Variants in SPAG16 observed in about 807,000 individuals in gnomAD.
The protein encoded by SPAG16 is sperm-associated antigen 16 protein.
A neutral mutation model predicts 80.4 loss-of-function variants in SPAG16; 86 were observed. That is an observed-to-expected ratio of 1.07 (90% confidence interval 0.90 to 1.28). The LOEUF is 1.28. SPAG16 is among the 50% of genes most tolerant of loss of function. SPAG16 has a pLI of 0.00. For missense variants in SPAG16, 870 were observed against 765.3 expected (o/e 1.14, Z -1.61); for synonymous variants, 294 against 265.9 (o/e 1.11, Z -1.03).
At chr2:213,620,331 CA>C (rs1380670906) in intron 10 of SPAG16, among the ~76,000 whole-genome samples, 4 of 120,304 alleles carry the variant, frequency 3.3e-5, no homozygotes, top group Non-Finnish European at 6.4e-5. Context: ...CTCACTCTGT[CA>C]CCCAGGCTGG....
At chr2:214,364,549 C>A (rs1699366878) in intron 15 of SPAG16, among the ~76,000 whole-genome samples, 1 of 152,136 alleles carries the variant, frequency 6.6e-6, no homozygotes, top group South Asian at 2.1e-4. Flanking sequence ...TTGGTATCCT[C>A]ACCGTCTTTG....
At chr2:213,929,109 G>A (rs369053043) in intron 11 of SPAG16, among the ~76,000 whole-genome samples, 65 of 140,474 alleles carry the variant, frequency 4.6e-4, no homozygotes, top group African/African-American at 1.6e-3. Context: ...TGTCCCCGGG[G>A]TTCAAGCAAC....
intron 10 of SPAG16, among the ~76,000 whole-genome samples, chr2:213,646,360 T>G (rs2062825714): frequency 6.6e-6 from 1 of 152,192 alleles, no homozygotes; most frequent in Admixed American, 6.5e-5. Flanking sequence ...AAGGCATTTT[T>G]ATTATATACA....
intron 10 of SPAG16, among the ~76,000 whole-genome samples, chr2:213,837,005 G>A (rs1378159140): frequency 6.6e-6 from 1 of 151,598 alleles, no homozygotes. Context: ...TGTTTCTCTG[G>A]GTCAGCTTCA....
chr2:213,464,320 C>T (rs112836244), intron 9 of SPAG16, among the ~76,000 whole-genome samples: 3,161 of 152,164 alleles, frequency 0.021, 46 homozygotes, highest in Middle Eastern at 0.054. Flanking sequence ...TTCTGAAGTG[C>T]CTTTTGATAA....
chr2:214,301,315 C>G (rs1694537103), intron 15 of SPAG16, among the ~76,000 whole-genome samples: 1 of 150,870 alleles, frequency 6.6e-6, no homozygotes, highest in Non-Finnish European at 1.5e-5. Flanking sequence ...AAAAAACTAC[C>G]TCAAAATAAT....
At chr2:213,804,454 C>T (rs546736772) in intron 10 of SPAG16, among the ~76,000 whole-genome samples, 18 of 152,224 alleles carry the variant, frequency 1.2e-4, no homozygotes, top group Non-Finnish European at 2.5e-4. Context: ...GAGGCCGAGG[C>T]GGGCAGATCA....
At chr2:213,304,596 G>T (rs2062866444) in intron 3 of SPAG16, among the ~76,000 whole-genome samples, 1 of 152,060 alleles carries the variant, frequency 6.6e-6, no homozygotes, top group African/African-American at 2.4e-5. Context: ...TCTGGATATG[G>T]ATATCCAGTT....
intron 10 of SPAG16, among the ~76,000 whole-genome samples, chr2:213,692,729 G>C (rs2064995525): frequency 6.6e-6 from 1 of 150,694 alleles, no homozygotes; most frequent in African/African-American, 2.4e-5. Flanking sequence ...AGAATGCCGT[G>C]AACCCGGGAG....
At chr2:213,500,508 C>T (rs564897187) in intron 10 of SPAG16, among the ~76,000 whole-genome samples, 7 of 152,290 alleles carry the variant, frequency 4.6e-5, no homozygotes, top group East Asian at 1.9e-4. Context: ...GTTTTCTTCA[C>T]GCATTCAATG....
chr2:214,194,867 C>A (rs1307745332), intron 15 of SPAG16, among the ~76,000 whole-genome samples: 3 of 152,006 alleles, frequency 2.0e-5, no homozygotes, highest in African/African-American at 4.8e-5. Context: ...GAATATGTAA[C>A]CATATCTTTT....
At chr2:213,550,471 G>T (rs1477299327) in intron 10 of SPAG16, among the ~76,000 whole-genome samples, 1 of 151,948 alleles carries the variant, frequency 6.6e-6, no homozygotes, top group African/African-American at 2.4e-5. Context: ...CATGCTGCTG[G>T]TACTTTTATT....
chr2:213,320,035 G>T (rs2063551478), intron 5 of SPAG16, among the ~76,000 whole-genome samples: 1 of 151,944 alleles, frequency 6.6e-6, no homozygotes, highest in African/African-American at 2.4e-5. Context: ...TGGAAGATTT[G>T]AAAGGAAGCT....
intron 15 of SPAG16, among the ~76,000 whole-genome samples, chr2:214,185,608 T>TCG (rs1217290275): frequency 6.6e-6 from 1 of 152,106 alleles, no homozygotes; most frequent in Non-Finnish European, 1.5e-5. Context: ...ATTTTTTAAA[T>TCG]TTCGAAGAAT....
At chr2:213,776,832 C>G (rs1362521707) in intron 10 of SPAG16, among the ~76,000 whole-genome samples, 5 of 121,368 alleles carry the variant, frequency 4.1e-5, no homozygotes, top group South Asian at 3.0e-4. Context: ...TGCCACCCCC[C>G]CCCCACCCCA....
At chr2:213,917,618 C>T (rs563846006) in intron 11 of SPAG16, among the ~76,000 whole-genome samples, 3 of 152,128 alleles carry the variant, frequency 2.0e-5, no homozygotes, top group East Asian at 1.9e-4. Context: ...TTTTGTACAT[C>T]GATTTTGTAT....
At chr2:213,529,564 AG>A (rs2125879009) in intron 10 of SPAG16, among the ~76,000 whole-genome samples, 1 of 152,310 alleles carries the variant, frequency 6.6e-6, no homozygotes, top group African/African-American at 2.4e-5. Context: ...AACATCATGG[AG>A]TGTACTTACA....
chr2:213,862,664 C>G (rs780859488), intron 11 of SPAG16, 36 bp downstream of exon 11: 3 of 1,607,608 alleles, frequency 1.9e-6, no homozygotes, highest in Non-Finnish European at 2.6e-6. Context: ...AGCCTAATCT[C>G]TCTAGGAATG....
chr2:213,630,320 G>A (rs2062101662), intron 10 of SPAG16, among the ~76,000 whole-genome samples: 1 of 151,632 alleles, frequency 6.6e-6, no homozygotes, highest in Non-Finnish European at 1.5e-5. Context: ...GGAGGCAGAG[G>A]TTGCAGTGAG....
Sources: gnomAD v4.1 joint callset for allele counts (sites outside exome capture counted in the v4.1 genomes callset) on GRCh38, gnomAD v4.1.1 for gene constraint, MANE v1.5 for transcripts, NCBI Gene and HGNC (gene_info 2026-07-23, HGNC 2026-07-21) for gene names.